BMP4: variants seen among roughly 807,000 people sequenced by gnomAD.
The protein encoded by BMP4 is bone morphogenetic protein 2B.
In BMP4, 3 loss-of-function variants were observed where a neutral mutation model predicts 29.6. The observed-to-expected ratio is 0.10, with a 90% CI of 0.05 to 0.26. BMP4 has a LOEUF of 0.26. Ranked by LOEUF, BMP4 falls within the 10% of genes least tolerant of loss-of-function variation. The pLI is 1.00. For missense variants in BMP4, 455 were observed against 550.2 expected, an observed-to-expected ratio of 0.83 and a Z score of 1.73; for synonymous variants, 197 against 213.2, an observed-to-expected ratio of 0.92 and a Z score of 0.66.
In BMP4 at chr14:53,951,936, T is replaced by G. The variant is rs1895443973; in HGVS notation, c.287A>C (p.Glu96Ala). The G allele has an allele frequency of 6.2e-7, 1 of 1,607,244 alleles. No individual in the cohort carries two copies. The highest frequency in any genetic ancestry group is 8.5e-7 in the Non-Finnish European group (1 of 1,179,992). Residue 96 changes from glutamate (E) to alanine (A), a missense_variant, in exon 3 of 4, where the codon GAA becomes GCA. By Grantham distance (107) the Glu-to-Ala change is moderately radical. Transcript: ENST00000245451. Reference sequence around the variant, plus strand: ...AAGACCAGTGCTGTGGATCTGCTCTTCCTCCTCCTCCCCAGACTGAAGCCG... The same window carrying G: ...AAGACCAGTGCTGTGGATCTGCTCTGCCTCCTCCTCCCCAGACTGAAGCCG... ...LYRLQSGEEE[E>A]EQIHSTGLEY...
chr14:53,951,823 C>T (rs1895430338), intron 3 of BMP4, 30 bp downstream of exon 3: 4 of 1,597,706 alleles, frequency 2.5e-6, no homozygotes, highest in East Asian at 2.2e-5. Flanking sequence ...CACCAGCCCT[C>T]CCCCACGCAG....
In BMP4 at chr14:53,949,855, G is replaced by A; in HGVS notation, c.*177C>T. 1 of 667,606 alleles carries A rather than the reference G, an allele frequency of 1.5e-6. No individual in the cohort carries two copies. Among genetic ancestry groups the A allele is most frequent in the East Asian group, 2.8e-5 (1 of 36,216 alleles). 41.4% of individuals were successfully genotyped at this position (667,606 alleles called of 1,614,324 possible). On this transcript the variant is annotated 3_prime_UTR_variant, in exon 4 of 4. Transcript: ENST00000245451. ...ATTTGCACGTAAAGTCATAAATAAG[G>A]TCAAGGTGAATGTTTAGGGATTTTT...
At chr14:53,953,130 G>T (rs1895534990) in intron 2 of BMP4, 146 bp downstream of exon 2, 1 of 382,772 alleles carries the variant, frequency 2.6e-6, no homozygotes, top group Non-Finnish European at 4.6e-6. Flanking sequence ...CGCCCCGGCT[G>T]CCGGGCCAAG....
rs1232918247 is a variant in BMP4, at chr14:53,950,019, G to T, written c.*13C>A. On this transcript the variant is annotated 3_prime_UTR_variant, in exon 4 of 4. Transcript: ENST00000245451. The surrounding 1 kb of genome is among the most constrained non-coding windows in gnomAD (Gnocchi z 5.4). ...GGTGTGTATATCTGTCTATCCTCAA[G>T]GACTGCCTGATCTCAGCGGCACCCA... is the stretch of plus-strand genomic sequence containing the variant. 1 of 1,613,458 alleles carries T rather than the reference G, an allele frequency of 6.2e-7. No homozygotes were observed. Among genetic ancestry groups the T allele is most frequent in the Non-Finnish European group, 8.5e-7 (1 of 1,179,906 alleles).
intron 2 of BMP4, among the ~76,000 whole-genome samples, chr14:53,952,754 C>T (rs984872400): frequency 2.6e-5 from 4 of 152,196 alleles, no homozygotes; most frequent in South Asian, 4.2e-4. Flanking sequence ...AGACAGAGGG[C>T]GACAGGGTCC....
At position 53,950,407 on chromosome 14, in the gene BMP4, C is replaced by A; in HGVS notation, c.852G>T (p.Leu284Phe). ...TFGHDGRGHA[L>F]TRRRRAKRSP... ...TACGCTTGGCCCTCCGGCGTCGGGT[C>A]AAGGCATGGCCCCGGCCATCATGGC... The change falls in exon 4 of 4, where the codon TTG becomes TTT. Residue 284 changes from leucine to phenylalanine, a missense_variant. Coordinates refer to ENST00000245451, the MANE Select transcript of BMP4 (RefSeq NM_001202.6). This position sits in a 1 kb window ranked among gnomAD's most constrained non-coding sequence, Gnocchi z 5.4. 1.2e-6 allele frequency: 2 copies of A among 1,613,834 alleles called. No homozygotes were observed. Among genetic ancestry groups the A allele is most frequent in the Non-Finnish European group, 1.7e-6 (2 of 1,179,882 alleles).
intron 1 of BMP4, 139 bp downstream of exon 1, chr14:53,956,410 CA>C: frequency 2.5e-6 from 1 of 397,876 alleles, no homozygotes; most frequent in Non-Finnish European, 4.4e-6. Context: ...TCAGCGCCAG[CA>C]TCCCCACCTC....
In BMP4 at chr14:53,950,201, T is replaced by C; in HGVS notation, c.1058A>G (p.Asn353Ser). The C allele has an allele frequency of 6.2e-7, 1 of 1,614,090 alleles. No homozygotes were observed. Among genetic ancestry groups the C allele is most frequent in the Non-Finnish European group, 8.5e-7 (1 of 1,180,012 alleles). The change falls in exon 4 of 4, where the codon AAC (asparagine) becomes AGC (serine). Residue 353 changes from asparagine (N) to serine (S), a missense_variant. Asn to Ser is a conservative substitution (Grantham distance 46). Around this residue, in one of 4 missense-constraint regions of BMP4, gnomAD observed 48 missense variants for 90.4 expected, o/e 0.53. Transcript: ENST00000245451. The surrounding 1 kb of genome is among the most constrained non-coding windows in gnomAD (Gnocchi z 5.4). ...GACCAGGGTCTGCACAATGGCATGG[T>C]TGGTTGAGTTGAGGTGGTCAGCCAG... ...FPLADHLNST[N>S]HAIVQTLVNS...
At chr14:53,951,468 C>A (rs914375488) in intron 3 of BMP4, 3 of 216,242 alleles carry the variant, frequency 1.4e-5, no homozygotes, top group South Asian at 2.0e-4. Context: ...AAGAAACATC[C>A]GCTAGGAAAC....
rs776845461 is a variant in BMP4, at chr14:53,955,555, G to A, written c.-133+995C>T. On this transcript the variant is annotated intron_variant, in intron 1 of 3. Transcript: ENST00000245451. This position sits in a 1 kb window ranked among gnomAD's most constrained non-coding sequence, Gnocchi z 4.0. ...CCTACTCGAATCTTCTCCTAATGCC[G>A]AAATGTGTTTACAGGTAGCCTCAGT... is the stretch of plus-strand genomic sequence containing the variant. The A allele has an allele frequency of 6.6e-6, 1 of 152,228 alleles. No homozygotes were observed. The highest frequency in any genetic ancestry group is 1.5e-5 in the Non-Finnish European group (1 of 68,046). 9.4% of individuals were successfully genotyped at this position (152,228 alleles called of 1,614,324 possible).
rs1055638307 is a variant in BMP4, at chr14:53,949,800, G to T, written c.*232C>A. On this transcript the variant is annotated 3_prime_UTR_variant, in exon 4 of 4. Transcript: ENST00000245451. ...TAATACGTAGTTATAAATATATTTT[G>T]TCAAAATATATGATCAATATGGTCA... 4.4e-6 allele frequency: 2 copies of T among 450,144 alleles called. No homozygotes were observed. Among genetic ancestry groups the T allele is most frequent in the South Asian group, 4.6e-5 (1 of 21,540 alleles). 27.9% of individuals were successfully genotyped at this position (450,144 alleles called of 1,614,324 possible). A position where few individuals can be genotyped will look rare whatever the true frequency, so the allele number is the denominator to read the frequency against.
rs34984774 is a variant in BMP4 at position 53,950,912 on chromosome 14, G to A, written c.371-24C>T. ...TTCTAGGCACAGTTAGGAAGGAAGG[G>A]GAAAAGAAAAAGCATATGAACTTTT... On this transcript the variant is annotated intron_variant, in intron 3 of 3. Coordinates refer to ENST00000245451, the MANE Select transcript of BMP4 (RefSeq NM_001202.6). The surrounding 1 kb of genome is among the most constrained non-coding windows in gnomAD (Gnocchi z 5.4). 2,848 of 1,599,346 alleles carry A rather than the reference G, an allele frequency of 1.8e-3. 44 individuals are homozygous for A. The African/African-American group carries it at 0.033, about 19-fold the overall frequency.
At chr14:53,951,191 C>G (rs142665257) in intron 3 of BMP4, among the ~76,000 whole-genome samples, 32 of 152,278 alleles carry the variant, frequency 2.1e-4, no homozygotes, top group African/African-American at 7.7e-4. Flanking sequence ...CAATCAGACT[C>G]CTCTTTTAAA....
At chr14:53,951,806 C>G (rs749814916) in intron 3 of BMP4, 47 bp downstream of exon 3, 5 of 1,593,912 alleles carry the variant, frequency 3.1e-6, no homozygotes, top group Non-Finnish European at 3.4e-6. Flanking sequence ...GCCCCTCTAG[C>G]CAGTCCCACC....
intron 2 of BMP4, among the ~76,000 whole-genome samples, chr14:53,952,897 G>T (rs1296587713): frequency 6.6e-6 from 1 of 152,166 alleles, no homozygotes; most frequent in Non-Finnish European, 1.5e-5. Flanking sequence ...GGTGAGAGAC[G>T]ATTCCGGAGA....
At chr14:53,951,061 G>A (rs934530408) in intron 3 of BMP4, among the ~76,000 whole-genome samples, 173 bp from the exon 4 acceptor site, 1 of 152,160 alleles carries the variant, frequency 6.6e-6, no homozygotes, top group Non-Finnish European at 1.5e-5. Flanking sequence ...GCAGATAAGT[G>A]GGGCAGCTAA....
Position 53,956,729 on chromosome 14 carries a change from C to T in BMP4, c.-312G>A, listed in dbSNP as rs1243952356. ...CGGAGCAGCAGCGGCGTCTCAGGCT[C>T]GCGTCCCTCAGCTCGGATGCCACAC... On this transcript the variant is annotated 5_prime_UTR_variant, in exon 1 of 4. Coordinates refer to ENST00000245451, the MANE Select transcript of BMP4 (RefSeq NM_001202.6). The T allele has an allele frequency of 5.0e-6, 2 of 399,136 alleles. No homozygotes were observed. The highest frequency in any genetic ancestry group is 3.6e-5 in the East Asian group (1 of 28,082). The allele number at this position is 399,136 out of a possible 1,614,324, so 24.7% of individuals were successfully genotyped here.
In BMP4 at chr14:53,954,543, C is replaced by G. The variant is rs1167418821; in HGVS notation, c.-132-1143G>C. 6.6e-6 allele frequency: 1 copy of G among 152,172 alleles called. No individual in the cohort carries two copies. Among genetic ancestry groups the G allele is most frequent in the African/African-American group, 2.4e-5 (1 of 41,372 alleles). 9.4% of individuals were successfully genotyped at this position (152,172 alleles called of 1,614,324 possible). On this transcript the variant is annotated intron_variant, in intron 1 of 3. Coordinates refer to ENST00000245451, the MANE Select transcript of BMP4 (RefSeq NM_001202.6). The surrounding 1 kb of genome is among the most constrained non-coding windows in gnomAD (Gnocchi z 4.8). ...ACCACCACCACACTCCTTCCCCCGC[C>G]ACTTCCTTCCCCCACCCCCTTCCTC...
chr14:53,951,806 C>T, intron 3 of BMP4, 47 bp downstream of exon 3: 1 of 1,593,912 alleles, frequency 6.3e-7, no homozygotes, highest in South Asian at 1.1e-5. Flanking sequence ...GCCCCTCTAG[C>T]CAGTCCCACC....
Sources: allele counts gnomAD v4.1 joint callset (sites outside exome capture counted in the v4.1 genomes callset), GRCh38; gene constraint gnomAD v4.1.1; regional missense constraint gnomAD v4.1.1; non-coding constraint Gnocchi (gnomAD v3.1); transcripts MANE v1.5; gene names NCBI Gene and HGNC (gene_info 2026-07-23, HGNC 2026-07-21).